DCDC2: variants seen among roughly 807,000 people sequenced by gnomAD.
DCDC2 encodes doublecortin domain-containing protein 2.
In DCDC2, 40 loss-of-function variants were observed where a neutral mutation model predicts 50.2. The ratio of observed to expected loss-of-function variants is 0.80; its 90% CI spans 0.62 to 1.04. The LOEUF (loss-of-function observed/expected upper bound fraction) is 1.04. Among genes scored for constraint, DCDC2 ranks in the 50% least tolerant of loss-of-function variants. The pLI, the probability that DCDC2 is intolerant of heterozygous loss-of-function variation, is 0.00. For missense variants in DCDC2, 570 were observed against 581.9 expected (o/e 0.98, Z 0.21); for synonymous variants, 234 against 210.6 (o/e 1.11, Z -0.96).
intron 6 of DCDC2, among the ~76,000 whole-genome samples, chr6:24,284,119 A>C (rs1039138324): frequency 2.0e-5 from 3 of 152,218 alleles, no homozygotes; most frequent in Admixed American, 6.5e-5. Flanking sequence ...TATGAACTCA[A>C]TAAATAGTTG....
rs75110960 is a variant in DCDC2, at chr6:24,258,107, G to A, written c.922+19942C>T. 8.3e-3 allele frequency among the ~76,000 whole-genome samples: 1,263 copies of A among 152,186 alleles called. 9 individuals carry two copies. Among genetic ancestry groups the A allele is most frequent in the African/African-American group, 0.015 (613 of 41,508 alleles). On this transcript the variant is annotated intron_variant, in intron 7 of 9. Coordinates refer to ENST00000378454, the MANE Select transcript of DCDC2 (RefSeq NM_016356.5). ...TTCCTTCGGGTGGGTTCGTGGTCTC[G>A]CTGACTTCAAAAATGACGCCACTGA...
chr6:24,370,817 C>T, the DCDC2 span, among the ~76,000 whole-genome samples: 1 of 152,080 alleles, frequency 6.6e-6, no homozygotes, highest in East Asian at 1.9e-4. Context: ...AAGCATTATT[C>T]ATAATAGCCA....
chr6:24,212,825 T>C (rs1407336388), intron 7 of DCDC2, among the ~76,000 whole-genome samples: 1 of 152,208 alleles, frequency 6.6e-6, no homozygotes, highest in Non-Finnish European at 1.5e-5. Flanking sequence ...TTTTATTGCT[T>C]ACAAAATGAA....
intron 2 of DCDC2, among the ~76,000 whole-genome samples, chr6:24,319,381 T>A (rs1759731899): frequency 6.6e-6 from 1 of 152,154 alleles, no homozygotes; most frequent in Non-Finnish European, 1.5e-5. Context: ...TTTCTCCCAT[T>A]CTGCAGGGTG....
chr6:24,380,316 C>T, the DCDC2 span, among the ~76,000 whole-genome samples: 1 of 152,144 alleles, frequency 6.6e-6, no homozygotes, highest in Non-Finnish European at 1.5e-5. Flanking sequence ...CACCACCCCC[C>T]TTTATTTTGC....
intron 7 of DCDC2, among the ~76,000 whole-genome samples, chr6:24,237,108 C>T (rs1762459020): frequency 6.6e-6 from 1 of 151,828 alleles, no homozygotes; most frequent in African/African-American, 2.4e-5. Flanking sequence ...CCCATCATCA[C>T]TAATCATTAG....
chr6:24,182,549 G>T (rs1269349555), intron 8 of DCDC2, among the ~76,000 whole-genome samples: 1 of 136,358 alleles, frequency 7.3e-6, no homozygotes, highest in Non-Finnish European at 1.5e-5. Context: ...CACATGAAAA[G>T]ATTGTCAACT....
intron 2 of DCDC2, among the ~76,000 whole-genome samples, chr6:24,351,630 T>A (rs1327502841): frequency 6.6e-6 from 1 of 152,138 alleles, no homozygotes; most frequent in East Asian, 1.9e-4. Flanking sequence ...ATGCAGTCTT[T>A]CATTTGGAGA....
chr6:24,181,744 G>A (rs1465340067), intron 8 of DCDC2, among the ~76,000 whole-genome samples: 1 of 152,146 alleles, frequency 6.6e-6, no homozygotes, highest in South Asian at 2.1e-4. Flanking sequence ...TCATTAAGAG[G>A]TCAATATTAT....
chr6:24,332,122 T>C (rs1759975858), intron 2 of DCDC2, among the ~76,000 whole-genome samples: 1 of 152,196 alleles, frequency 6.6e-6, no homozygotes, highest in Admixed American at 6.6e-5. Context: ...ACATTCCCAG[T>C]GTGGGAGACT....
intron 2 of DCDC2, among the ~76,000 whole-genome samples, chr6:24,336,320 C>CT (rs953862799): frequency 9.2e-5 from 14 of 151,496 alleles, no homozygotes; most frequent in Admixed American, 2.0e-4. Flanking sequence ...GCAGAGACTT[C>CT]TTTTTTTTTC....
At chr6:24,301,198 C>T (rs1175065892) in intron 4 of DCDC2, among the ~76,000 whole-genome samples, 5 of 151,622 alleles carry the variant, frequency 3.3e-5, no homozygotes, top group South Asian at 4.2e-4. Flanking sequence ...GGAGAAACCC[C>T]GTCTCTACTA....
At chr6:24,379,516 G>T in the DCDC2 span, among the ~76,000 whole-genome samples, 1 of 152,300 alleles carries the variant, frequency 6.6e-6, no homozygotes, top group South Asian at 2.1e-4. Flanking sequence ...AGTTAGAATG[G>T]CAATCATTAA....
intron 8 of DCDC2, among the ~76,000 whole-genome samples, chr6:24,183,748 C>A (rs1019132692): frequency 1.2e-4 from 19 of 152,104 alleles, no homozygotes; most frequent in Non-Finnish European, 2.6e-4. Flanking sequence ...GAGATAAATA[C>A]CACTGTCTCC....
chr6:24,174,788 G>C lies in DCDC2; in HGVS notation c.1373C>G (p.Thr458Ser). The change falls in exon 10 of 10, where the codon ACC becomes AGC. Residue 458 changes from threonine to serine, a missense_variant. By Grantham distance (58) the Thr-to-Ser change is moderately conservative. Transcript: ENST00000378454. Reference sequence around the variant, plus strand: ...GTTGTTTTCATTTTCTTCTGGACTGGTAATTTTTACTTCTGGCCTTGGTGG... The same window carrying C: ...GTTGTTTTCATTTTCTTCTGGACTGCTAATTTTTACTTCTGGCCTTGGTGG... The part of the protein sequence containing the change: ...QRPPRPEVKI[T>S]SPEENENNQQ... 1 of 1,613,548 alleles carries C rather than the reference G, an allele frequency of 6.2e-7. No individual in the cohort carries two copies. The highest frequency in any genetic ancestry group is 1.1e-5 in the South Asian group (1 of 91,024).
chr6:24,244,951 T>C (rs1029923500), intron 7 of DCDC2, among the ~76,000 whole-genome samples: 4 of 152,124 alleles, frequency 2.6e-5, no homozygotes, highest in African/African-American at 4.8e-5. Flanking sequence ...TCCCAGCACA[T>C]TGGGAGGCCG....
intron 2 of DCDC2, among the ~76,000 whole-genome samples, chr6:24,329,141 C>T (rs1198064950): frequency 6.6e-6 from 1 of 152,122 alleles, no homozygotes; most frequent in Admixed American, 6.5e-5. Flanking sequence ...TGAGCCCTCC[C>T]TACTGACGGA....
At chr6:24,268,516 C>T (rs1392860372) in intron 7 of DCDC2, among the ~76,000 whole-genome samples, 1 of 152,012 alleles carries the variant, frequency 6.6e-6, no homozygotes, top group South Asian at 2.1e-4. Context: ...ACAAAAAGTG[C>T]GTGAAACTAC....
chr6:24,292,186 A>G (rs971368187), intron 4 of DCDC2, among the ~76,000 whole-genome samples: 2 of 152,214 alleles, frequency 1.3e-5, no homozygotes, highest in African/African-American at 4.8e-5. Context: ...TTTTTAAAGA[A>G]CAGGAAAATA....
Sources: gnomAD v4.1 joint callset for allele counts (sites outside exome capture counted in the v4.1 genomes callset) on GRCh38, gnomAD v4.1.1 for gene constraint, MANE v1.5 for transcripts, NCBI Gene and HGNC (gene_info 2026-07-23, HGNC 2026-07-21) for gene names.